The following ATRAID variants were observed in gnomAD, a reference collection of about 807,000 sequenced individuals.
ATRAID encodes all-trans retinoic acid induced differentiation factor, also known as all-trans retinoic acid-induced differentiation factor.
A neutral mutation model predicts 28.8 loss-of-function variants in ATRAID; 26 were observed. The ratio of observed to expected loss-of-function variants is 0.90; its 90% CI spans 0.66 to 1.25. The LOEUF (loss-of-function observed/expected upper bound fraction) is 1.25. ATRAID is among the 50% of genes most tolerant of loss of function. The pLI is 0.00. For missense variants in ATRAID, 308 were observed against 285.9 expected (o/e 1.08, Z -0.56); for synonymous variants, 131 against 108.5 (o/e 1.21, Z -1.29).
chr2:27,216,118 C>T (rs1231673773), intron 5 of ATRAID, among the ~76,000 whole-genome samples: 4 of 152,186 alleles, frequency 2.6e-5, no homozygotes, highest in Non-Finnish European at 4.4e-5. Flanking sequence ...TTACAAAGTA[C>T]ATTCTCAAGG....
At chr2:27,214,664 C>T (rs1462750100) in intron 2 of ATRAID, among the ~76,000 whole-genome samples, 1 of 152,136 alleles carries the variant, frequency 6.6e-6, no homozygotes, top group African/African-American at 2.4e-5. Flanking sequence ...CCAGCCTGAC[C>T]AACATGGTGA....
Position 27,216,527 on chromosome 2 carries a change from GTGT to G in ATRAID, c.493_495del (p.Cys165del). ...CTATTTCTCTCTGGCCTCCAGAAAT[GTGT>G]CCTGAGAATGGATCTTGTGTACCTG... is the stretch of plus-strand genomic sequence containing the variant. On this transcript the variant is annotated inframe_deletion, in exon 6 of 7. Transcript: ENST00000380171. 2.5e-6 allele frequency: 4 copies of G among 1,612,876 alleles called. No homozygotes were observed. In the African/African-American group the frequency reaches 5.3e-5, roughly 21 times the overall value.
chr2:27,214,123 T>C (rs1159188907), intron 2 of ATRAID, among the ~76,000 whole-genome samples: 1 of 152,234 alleles, frequency 6.6e-6, no homozygotes, highest in Non-Finnish European at 1.5e-5. Flanking sequence ...CACTGTCCTG[T>C]GGTTTCTTTT....
Position 27,213,382 on chromosome 2 carries a change from C to G in ATRAID, c.221+84C>G, listed in dbSNP as rs1049951367. On this transcript the variant is annotated intron_variant, in intron 2 of 6. Transcript: ENST00000380171. ...TATACCCTTATATTATTTAAAGAAT[C>G]CACCTATTATGGTTTCAGCTGTAAT... is the stretch of plus-strand genomic sequence containing the variant. The G allele has an allele frequency of 1.0e-5, 15 of 1,496,468 alleles. No homozygotes were observed. The African/African-American group carries it at 1.4e-4, about 14-fold the overall frequency. The allele number at this position is 1,496,468 out of a possible 1,614,324, so 92.7% of individuals were successfully genotyped here.
chr2:27,217,166 T>G, downstream of ATRAID: 1 of 529,434 alleles, frequency 1.9e-6, no homozygotes, highest in Non-Finnish European at 3.3e-6. Context: ...TTTTTTCCTC[T>G]CTTTCTTTTT....
chr2:27,215,952 TTGTG>T (rs1168811675), intron 5 of ATRAID, among the ~76,000 whole-genome samples, 199 bp downstream of exon 5: 1 of 152,200 alleles, frequency 6.6e-6, no homozygotes, highest in East Asian at 1.9e-4. Context: ...CAAACAGGCT[TTGTG>T]TGAGCAACAA....
rs901013745 is a variant in ATRAID, at chr2:27,215,299, A to C, written c.222-22A>C. On this transcript the variant is annotated intron_variant, in intron 2 of 6. Coordinates refer to ENST00000380171, the MANE Select transcript of ATRAID (RefSeq NM_001170795.4). Reference sequence around the variant, plus strand: ...AAGAAAAAGAGGAACACACAGTTATATTGATTACTTTATTTCCTCAGGCTG... The same window carrying C: ...AAGAAAAAGAGGAACACACAGTTATCTTGATTACTTTATTTCCTCAGGCTG... 6 of 1,611,660 alleles carry C rather than the reference A, an allele frequency of 3.7e-6. No individual in the cohort carries two copies. The East Asian group carries it at 1.3e-4, about 36-fold the overall frequency.
chr2:27,214,707 C>T (rs1304205727), intron 2 of ATRAID, among the ~76,000 whole-genome samples: 1 of 152,130 alleles, frequency 6.6e-6, no homozygotes, highest in African/African-American at 2.4e-5. Flanking sequence ...CAAAAATTAG[C>T]CAGGCGTGGT....
In ATRAID at chr2:27,212,254, C is replaced by A; in HGVS notation, c.-115C>A. On this transcript the variant is annotated 5_prime_UTR_variant, in exon 1 of 7. Coordinates refer to ENST00000380171, the MANE Select transcript of ATRAID (RefSeq NM_001170795.4). ...AGCAGGAAAAGCCCCCAAGCAGCCC[C>A]AGGGCGACTGGACCGGGCCGCTTAG... The A allele has an allele frequency of 6.4e-7, 1 of 1,560,238 alleles. No homozygotes were observed. The highest frequency in any genetic ancestry group is 2.3e-5 in the East Asian group (1 of 42,594).
At position 27,216,877 on chromosome 2, in the gene ATRAID, C is replaced by T. The variant is rs777813903; in HGVS notation, c.619C>T (p.Leu207=). The part of the protein sequence containing the change: ...SFSLLMFFGI[L]GATTLSVSIL... ...CTCACTGCTTATGTTCTTCGGGATT[C>T]TGGGAGCCACCACTCTATCCGTCTC... The change falls in exon 7 of 7, where the codon CTG becomes TTG. Residue 207 remains leucine, a synonymous_variant. Coordinates refer to ENST00000380171, the MANE Select transcript of ATRAID (RefSeq NM_001170795.4). 1.2e-6 allele frequency: 2 copies of T among 1,614,176 alleles called. No homozygotes were observed. The highest frequency in any genetic ancestry group is 1.7e-5 in the Admixed American group (1 of 60,014).
chr2:27,213,349 G>A (rs765866180), intron 2 of ATRAID, 51 bp downstream of exon 2: 1 of 1,586,084 alleles, frequency 6.3e-7, no homozygotes. Flanking sequence ...CCTTAGCCTG[G>A]CTGCTTTTAT....
In ATRAID at chr2:27,212,421, C is replaced by T. The variant is rs1350263173; in HGVS notation, c.53C>T (p.Ala18Val). 1.9e-6 allele frequency: 3 copies of T among 1,555,396 alleles called. No individual in the cohort carries two copies. In the South Asian group the frequency reaches 3.6e-5, roughly 18 times the overall value. ...ACGACCCTGGTGCCCTGGGCTGCCG[C>T]CCTGCTCCTCGCTCTGGGCGTGGAA... ...SLTTLVPWAA[A>V]LLLALGVERA... Residue 18 changes from alanine to valine, a missense_variant, in exon 1 of 7, where the codon GCC becomes GTC. Physicochemically the swap from Ala to Val is moderately conservative, Grantham distance 64. Transcript: ENST00000380171.
Position 27,213,269 on chromosome 2 carries a change from C to T in ATRAID, c.192C>T (p.Cys64=), listed in dbSNP as rs370763840. Residue 64 remains cysteine, a synonymous_variant, in exon 2 of 7, where the codon TGC becomes TGT. Coordinates refer to ENST00000380171, the MANE Select transcript of ATRAID (RefSeq NM_001170795.4). ...GAGAGCTAATGCTGCATGCCCGTTGCTGCCTGAATCAGAAGGGCACCATCT... is the reference window on the plus strand; with the variant it reads ...GAGAGCTAATGCTGCATGCCCGTTGTTGCCTGAATCAGAAGGGCACCATCT... ...TTRELMLHAR[C]CLNQKGTILG... is the part of the protein sequence containing the mutation. The T allele has an allele frequency of 6.2e-7, 1 of 1,614,038 alleles. No homozygotes were observed. The highest frequency in any genetic ancestry group is 8.5e-7 in the Non-Finnish European group (1 of 1,180,014).
intron 1 of ATRAID, chr2:27,212,973 C>T: frequency 1.6e-6 from 1 of 608,294 alleles, no homozygotes; most frequent in Non-Finnish European, 2.8e-6. Flanking sequence ...GTGTCGGGAG[C>T]TGATTCGGCG....
Position 27,215,612 on chromosome 2 carries a change from A to C in ATRAID, c.366-20A>C. 6.2e-7 allele frequency: 1 copy of C among 1,614,210 alleles called. No individual in the cohort carries two copies. The highest frequency in any genetic ancestry group is 8.5e-7 in the Non-Finnish European group (1 of 1,180,032). ...TGTGAGTTTAGCAACTTTGCATGTTATGACCACATTTCTCTATAGGATACT... is the reference window on the plus strand; with the variant it reads ...TGTGAGTTTAGCAACTTTGCATGTTCTGACCACATTTCTCTATAGGATACT... On this transcript the variant is annotated intron_variant, in intron 4 of 6. Coordinates refer to ENST00000380171, the MANE Select transcript of ATRAID (RefSeq NM_001170795.4).
At chr2:27,214,054 A>G (rs1674730427) in intron 2 of ATRAID, among the ~76,000 whole-genome samples, 1 of 152,172 alleles carries the variant, frequency 6.6e-6, no homozygotes, top group South Asian at 2.1e-4. Context: ...CAAGCGATTC[A>G]GTAATACCTT....
chr2:27,213,922 A>G (rs1297597137), intron 2 of ATRAID, among the ~76,000 whole-genome samples: 3 of 152,218 alleles, frequency 2.0e-5, no homozygotes, highest in East Asian at 3.8e-4. Flanking sequence ...ACTAAGTTCC[A>G]GAGTAATACC....
chr2:27,215,567 G>C (rs1204193475), intron 4 of ATRAID, 22 bp downstream of exon 4: 13 of 1,614,102 alleles, frequency 8.1e-6, no homozygotes, highest in African/African-American at 2.7e-5. Context: ...TATGGGAAGA[G>C]AATCAAAGAG....
chr2:27,213,470 C>G, intron 2 of ATRAID, 172 bp downstream of exon 2: 1 of 751,624 alleles, frequency 1.3e-6, no homozygotes, highest in Non-Finnish European at 1.9e-6. Flanking sequence ...TTCCACACTC[C>G]AGGTACATAC....
Sources: allele counts gnomAD v4.1 joint callset (sites outside exome capture counted in the v4.1 genomes callset), GRCh38; gene constraint gnomAD v4.1.1; transcripts MANE v1.5; gene names NCBI Gene and HGNC (gene_info 2026-07-23, HGNC 2026-07-21).